Variants in RUSC1 observed in about 807,000 individuals in gnomAD.
RUSC1 encodes RUN and SH3 domain containing 1.
RUSC1 carries 40 observed loss-of-function variants against 72.1 expected under a neutral mutation model. That is an observed-to-expected ratio of 0.55 (90% CI 0.43 to 0.72). The LOEUF is 0.72. Ranked by LOEUF, RUSC1 falls within the 30% of genes least tolerant of loss-of-function variation. RUSC1 has a pLI of 0.00. For missense variants in RUSC1, 1,092 were observed against 1,172.3 expected, an observed-to-expected ratio of 0.93 and a Z score of 1.00; for synonymous variants, 512 against 494.2, an observed-to-expected ratio of 1.04 and a Z score of -0.48.
chr1:155,330,733 C>A lies in RUSC1; in HGVS notation c.*162C>A. On this transcript the variant is annotated 3_prime_UTR_variant, in exon 10 of 10. Coordinates refer to ENST00000368352, the MANE Select transcript of RUSC1 (RefSeq NM_001105203.2). ...TAAACTTTCCTTCTTCCCTCCTATACCCACCTGTAAGGTGAAATCTGCTCT... is the reference window on the plus strand; with the variant it reads ...TAAACTTTCCTTCTTCCCTCCTATAACCACCTGTAAGGTGAAATCTGCTCT... 1.6e-6 allele frequency: 1 copy of A among 628,716 alleles called. No homozygotes were observed. The highest frequency in any genetic ancestry group is 2.6e-6 in the Non-Finnish European group (1 of 387,474). The allele number at this position is 628,716 out of a possible 1,614,324, so 38.9% of individuals were successfully genotyped here.
intron 1 of RUSC1, chr1:155,321,382 G>A (rs773799973): frequency 1.4e-6 from 2 of 1,382,676 alleles, no homozygotes; most frequent in Admixed American, 1.9e-5. Context: ...GCCAGATTGC[G>A]GCAGCAGGGA....
intron 2 of RUSC1, chr1:155,324,386 TCC>T: frequency 6.2e-7 from 1 of 1,612,452 alleles, no homozygotes. Flanking sequence ...CTCCGTCTCC[TCC>T]CTTTCCCCTG....
In RUSC1 at chr1:155,325,705, G is replaced by A; in HGVS notation, c.1814+33G>A. 1 of 1,609,308 alleles carries A rather than the reference G, an allele frequency of 6.2e-7. No individual in the cohort carries two copies. Among genetic ancestry groups the A allele is most frequent in the Non-Finnish European group, 8.5e-7 (1 of 1,176,542 alleles). On this transcript the variant is annotated intron_variant, in intron 6 of 9. Transcript: ENST00000368352. The surrounding 1 kb of genome is among the most constrained non-coding windows in gnomAD (Gnocchi z 6.5). ...GCCTTCTTTCCAGTGCCCTTCCCACGACCTGGGACTGCAGGAGCGTCATGG... is the reference window on the plus strand; with the variant it reads ...GCCTTCTTTCCAGTGCCCTTCCCACAACCTGGGACTGCAGGAGCGTCATGG...
chr1:155,323,353 C>T (rs975283612), intron 2 of RUSC1, among the ~76,000 whole-genome samples: 2 of 152,050 alleles, frequency 1.3e-5, no homozygotes, highest in African/African-American at 4.8e-5. Flanking sequence ...GCTGCCCATC[C>T]CGCTGCCCTC....
chr1:155,321,629 G>T lies in RUSC1; in HGVS notation c.-86-59G>T. 2.3e-6 allele frequency: 3 copies of T among 1,280,780 alleles called. No individual in the cohort carries two copies. In the South Asian group the frequency reaches 4.1e-5, roughly 17 times the overall value. The allele number at this position is 1,280,780 out of a possible 1,614,324, so 79.3% of individuals were successfully genotyped here. ...CTGCTGCTGCCGTCAAGTCACCTCG[G>T]TGTCCTTCCCCGCAGCTCTTGTCCT... is the stretch of plus-strand genomic sequence containing the variant. On this transcript the variant is annotated intron_variant, in intron 1 of 9. Coordinates refer to ENST00000368352, the MANE Select transcript of RUSC1 (RefSeq NM_001105203.2).
intron 9 of RUSC1, among the ~76,000 whole-genome samples, chr1:155,328,594 TAA>T (rs1216509951): frequency 6.6e-6 from 1 of 151,714 alleles, no homozygotes; most frequent in Non-Finnish European, 1.5e-5. Context: ...CATGCCCGTT[TAA>T]GTTTTGGAAT....
chr1:155,324,592 G>C (rs1651069970), intron 2 of RUSC1: 3 of 1,560,026 alleles, frequency 1.9e-6, no homozygotes, highest in Non-Finnish European at 2.6e-6. Flanking sequence ...CTGGAGGTGG[G>C]GGCTGTGCCC....
intron 9 of RUSC1, among the ~76,000 whole-genome samples, chr1:155,329,045 T>C (rs1034577097): frequency 2.6e-5 from 4 of 152,142 alleles, no homozygotes; most frequent in African/African-American, 9.7e-5. Context: ...ATTCTTTCTA[T>C]AAAAAGGATA....
chr1:155,322,380 G>C lies in RUSC1; in HGVS notation c.607G>C (p.Ala203Pro), dbSNP rs564372160. 14 of 1,614,138 alleles carry C rather than the reference G, an allele frequency of 8.7e-6. No homozygotes were observed. The East Asian group carries it at 3.1e-4, about 36-fold the overall frequency. ...SPGLEEEDERAEQDLPTSELL... is the reference protein window; with the variant it reads ...SPGLEEEDERPEQDLPTSELL... ...AGGCTTGGAGGAAGAGGACGAGAGG[G>C]CGGAGCAGGATCTCCCTACCTCTGA... Residue 203 changes from alanine (A) to proline (P), a missense_variant, in exon 2 of 10, where the codon GCG becomes CCG. By Grantham distance (27) the Ala-to-Pro change is conservative. Transcript: ENST00000368352.
In RUSC1 at chr1:155,322,005, G is replaced by A. The variant is rs766837099; in HGVS notation, c.232G>A (p.Gly78Ser). 2.2e-5 allele frequency: 35 copies of A among 1,603,594 alleles called. No homozygotes were observed. In the South Asian group the frequency reaches 3.7e-4, roughly 17 times the overall value. ...GCCCTGCCGGTGCTGCCAGGAGCACGGTCCGGGCCTAGAAAACCGGCAGGA... is the reference window on the plus strand; with the variant it reads ...GCCCTGCCGGTGCTGCCAGGAGCACAGTCCGGGCCTAGAAAACCGGCAGGA... ...AVPCRCCQEH[G>S]PGLENRQDPS... Residue 78 changes from glycine to serine, a missense_variant, in exon 2 of 10, where the codon GGT becomes AGT. Gly to Ser is a moderately conservative substitution (Grantham distance 56). Coordinates refer to ENST00000368352, the MANE Select transcript of RUSC1 (RefSeq NM_001105203.2).
chr1:155,321,429 C>T lies in RUSC1; in HGVS notation c.-86-259C>T, dbSNP rs756500152. On this transcript the variant is annotated intron_variant, in intron 1 of 9. Coordinates refer to ENST00000368352, the MANE Select transcript of RUSC1 (RefSeq NM_001105203.2). ...ATTCTGGGCCCGGACCTCTTCCAGG[C>T]CCCCGCCCCCCTTCGGAGATCCAGA... The T allele has an allele frequency of 4.3e-6, 6 of 1,408,862 alleles. No homozygotes were observed. The South Asian group carries it at 4.6e-5, about 11-fold the overall frequency. 87.3% of individuals were successfully genotyped at this position (1,408,862 alleles called of 1,614,324 possible). A position where few individuals can be genotyped will look rare whatever the true frequency, so the allele number is the denominator to read the frequency against.
chr1:155,321,949 T>G lies in RUSC1; in HGVS notation c.176T>G (p.Leu59Arg). 6.2e-7 allele frequency: 1 copy of G among 1,601,446 alleles called. No homozygotes were observed. Among genetic ancestry groups the G allele is most frequent in the African/African-American group, 1.3e-5 (1 of 74,724 alleles). Reference sequence around the variant, plus strand: ...AGCAGGGGCCCCTGCAGTGGCACCCTGGTGGACGCCAATTCCAACAGCCCA... The same window carrying G: ...AGCAGGGGCCCCTGCAGTGGCACCCGGGTGGACGCCAATTCCAACAGCCCA... The part of the protein sequence containing the change: ...KESRGPCSGT[L>R]VDANSNSPAV... The change falls in exon 2 of 10, where the codon CTG becomes CGG. Residue 59 changes from leucine (L) to arginine (R), a missense_variant. Coordinates refer to ENST00000368352, the MANE Select transcript of RUSC1 (RefSeq NM_001105203.2).
Position 155,326,980 on chromosome 1 carries a change from ACCGGGGC to A in RUSC1, c.2263_2269del (p.Pro755ValfsTer46), listed in dbSNP as rs1283064949. On this transcript the variant is annotated frameshift_variant, in exon 8 of 10. Transcript: ENST00000368352. LOFTEE classifies it high-confidence loss of function. The surrounding 1 kb of genome is among the most constrained non-coding windows in gnomAD (Gnocchi z 4.7). ...AGGGCTTTCCTCTTTCCCGATGGGC[ACCGGGGC>A]GTCATGGGACTGCAGCTGAAGAAGG... 6.2e-7 allele frequency: 1 copy of A among 1,613,678 alleles called. No homozygotes were observed. The highest frequency in any genetic ancestry group is 2.2e-5 in the East Asian group (1 of 44,882).
At chr1:155,328,756 G>A (rs1054339005) in intron 9 of RUSC1, among the ~76,000 whole-genome samples, 15 of 152,180 alleles carry the variant, frequency 9.9e-5, no homozygotes, top group Non-Finnish European at 1.8e-4. Flanking sequence ...ATGCCGCCAC[G>A]CCCAGCTAAT....
chr1:155,323,045 G>C lies in RUSC1; in HGVS notation c.1272G>C (p.Gln424His). The C allele has an allele frequency of 6.9e-7, 1 of 1,453,380 alleles. No individual in the cohort carries two copies. The highest frequency in any genetic ancestry group is 9.1e-7 in the Non-Finnish European group (1 of 1,102,952). The allele number at this position is 1,453,380 out of a possible 1,614,324, so 90.0% of individuals were successfully genotyped here. A position where few individuals can be genotyped will look rare whatever the true frequency, so the allele number is the denominator to read the frequency against. The change falls in exon 2 of 10, where the codon CAG becomes CAC. Residue 424 changes from glutamine (Q) to histidine (H), a missense_variant. Physicochemically the swap from Gln to His is conservative, Grantham distance 24. Transcript: ENST00000368352. ...RPGLQPIAEGQSEEGRAVSPA... is the reference protein window; with the variant it reads ...RPGLQPIAEGHSEEGRAVSPA... The stretch of plus-strand genomic sequence containing the variant: ...GACTGCAGCCCATAGCGGAGGGGCA[G>C]TCCGAGGAGGGCCGGGCTGTCAGCC...
rs1651409939 is a variant in RUSC1, at chr1:155,326,378, G to A, written c.1862-202G>A. On this transcript the variant is annotated intron_variant, in intron 7 of 9. Coordinates refer to ENST00000368352, the MANE Select transcript of RUSC1 (RefSeq NM_001105203.2). The surrounding 1 kb of genome is among the most constrained non-coding windows in gnomAD (Gnocchi z 4.7). ...CTGTCTCTGTTACTTGTCACCACTTGCTGTGTGTGTCTTCCTATTTGGGCT... is the reference window on the plus strand; with the variant it reads ...CTGTCTCTGTTACTTGTCACCACTTACTGTGTGTGTCTTCCTATTTGGGCT... The A allele has an allele frequency of 1.7e-6, 1 of 596,578 alleles. No homozygotes were observed. The highest frequency in any genetic ancestry group is 3.0e-6 in the Non-Finnish European group (1 of 338,234). The allele number at this position is 596,578 out of a possible 1,614,324, so 37.0% of individuals were successfully genotyped here. A position where few individuals can be genotyped will look rare whatever the true frequency, so the allele number is the denominator to read the frequency against.
Position 155,323,006 on chromosome 1 carries a change from G to C in RUSC1, c.1233G>C (p.Lys411Asn), listed in dbSNP as rs1650771046. 1 of 1,260,158 alleles carries C rather than the reference G, an allele frequency of 7.9e-7. No individual in the cohort carries two copies. Among genetic ancestry groups the C allele is most frequent in the Non-Finnish European group, 1.1e-6 (1 of 945,628 alleles). 78.1% of individuals were successfully genotyped at this position (1,260,158 alleles called of 1,614,324 possible). The change falls in exon 2 of 10, where the codon AAG becomes AAC. Residue 411 changes from lysine to asparagine, a missense_variant. By Grantham distance (94) the Lys-to-Asn change is moderately conservative. Transcript: ENST00000368352. Reference sequence around the variant, plus strand: ...CCCCGCCTGTCCCTCCCCGAAGGAAGAAGAACCGACCTGGACTGCAGCCCA... The same window carrying C: ...CCCCGCCTGTCCCTCCCCGAAGGAACAAGAACCGACCTGGACTGCAGCCCA... ...PPPPPVPPRRKKNRPGLQPIA... is the reference protein window; with the variant it reads ...PPPPPVPPRRNKNRPGLQPIA...
chr1:155,326,260 C>T lies in RUSC1; in HGVS notation c.1862-320C>T, dbSNP rs150660318. The T allele has an allele frequency of 2.6e-5, 14 of 544,350 alleles. No homozygotes were observed. In the East Asian group the frequency reaches 4.4e-4, roughly 17 times the overall value. The allele number at this position is 544,350 out of a possible 1,614,324, so 33.7% of individuals were successfully genotyped here. ...TCCTTTGAGTCCTTCCCCAGTGAGG[C>T]CCTACCTCTACCCTCGGACTAGGCC... On this transcript the variant is annotated intron_variant, in intron 7 of 9. Transcript: ENST00000368352. This position sits in a 1 kb window ranked among gnomAD's most constrained non-coding sequence, Gnocchi z 4.7.
chr1:155,324,475 G>T (rs1359294878), intron 2 of RUSC1: 1 of 1,610,108 alleles, frequency 6.2e-7, no homozygotes, highest in Non-Finnish European at 8.5e-7. Context: ...GGGGCGGTGC[G>T]CTGGGCTACA....
Sources: allele counts gnomAD v4.1 joint callset (sites outside exome capture counted in the v4.1 genomes callset), GRCh38; gene constraint gnomAD v4.1.1; non-coding constraint Gnocchi (gnomAD v3.1); transcripts MANE v1.5; gene names NCBI Gene and HGNC (gene_info 2026-07-23, HGNC 2026-07-21).